The following NF1 variants were observed in gnomAD, a reference collection of about 807,000 sequenced individuals.
NF1 encodes the protein neurofibromin.
NF1 carries 122 observed loss-of-function variants against 325.7 expected under a neutral mutation model. The ratio of observed to expected loss-of-function variants is 0.37; its 90% CI spans 0.32 to 0.44. The LOEUF (loss-of-function observed/expected upper bound fraction) is 0.44, where lower values mean the gene tolerates loss of function less well. Ranked by LOEUF, NF1 falls within the 20% of genes least tolerant of loss-of-function variation. NF1 has a pLI of 1.00. For missense variants in NF1, 2,140 were observed against 3,415.4 expected, an observed-to-expected ratio of 0.63 and a Z score of 9.31; for synonymous variants, 1,091 against 1,186.0, an observed-to-expected ratio of 0.92 and a Z score of 1.65.
chr17:31,308,548 T>C (rs2068789180), intron 36 of NF1, among the ~76,000 whole-genome samples: 1 of 152,160 alleles, frequency 6.6e-6, no homozygotes, highest in African/African-American at 2.4e-5. Context: ...ATGCATCCCT[T>C]TCCCACCTTG....
rs753082620 is a variant in NF1, at chr17:31,230,268, G to A, written c.2999G>A (p.Arg1000His). The change falls in exon 23 of 58, where the codon CGT becomes CAT. Residue 1000 changes from arginine to histidine, a missense_variant. Physicochemically the swap from Arg to His is conservative, Grantham distance 29. Transcript: ENST00000358273. ...TMMLNLVRYVRVLGNMVHAIQ... is the reference protein window; with the variant it reads ...TMMLNLVRYVHVLGNMVHAIQ... The stretch of plus-strand genomic sequence containing the variant: ...TTTCTATGTCTATATAGGTATGTTC[G>A]TGTGCTTGGGAATATGGTCCATGCA... 3.7e-6 allele frequency: 6 copies of A among 1,612,968 alleles called. No individual in the cohort carries two copies. Among genetic ancestry groups the A allele is most frequent in the Non-Finnish European group, 4.2e-6 (5 of 1,179,340 alleles).
intron 5 of NF1, among the ~76,000 whole-genome samples, chr17:31,172,614 G>A (rs2065948441): frequency 6.6e-6 from 1 of 151,994 alleles, no homozygotes; most frequent in Admixed American, 6.6e-5. Flanking sequence ...CTCTTGTGTA[G>A]ATGAGGAAAC....
rs776722942 is a variant in NF1, at chr17:31,218,989, C to CT, written c.1528-9dup. On this transcript the variant is annotated splice_polypyrimidine_tract_variant and intron_variant, in intron 13 of 57. Transcript: ENST00000358273. ...TATTTATTTTTTTAATTGAAGTTTC[C>CT]TTTTTTTCCTTGCAGAATCCAAGAA... 1 of 1,602,252 alleles carries CT rather than the reference C, an allele frequency of 6.2e-7. No homozygotes were observed. The highest frequency in any genetic ancestry group is 1.1e-5 in the South Asian group (1 of 89,782).
At chr17:31,351,561 C>T (rs376016070) in intron 50 of NF1, among the ~76,000 whole-genome samples, 4 of 152,108 alleles carry the variant, frequency 2.6e-5, no homozygotes, top group Admixed American at 6.5e-5. Flanking sequence ...GGATTACAGG[C>T]GCGTGCCACC....
At chr17:31,120,737 T>C (rs1276389618) in intron 1 of NF1, among the ~76,000 whole-genome samples, 6 of 151,912 alleles carry the variant, frequency 3.9e-5, no homozygotes, top group African/African-American at 1.5e-4. Flanking sequence ...AGTATACCTA[T>C]GTAACAAACC....
intron 27 of NF1, among the ~76,000 whole-genome samples, chr17:31,233,723 A>G (rs757892993): frequency 6.6e-6 from 1 of 152,224 alleles, no homozygotes; most frequent in Non-Finnish European, 1.5e-5. Flanking sequence ...CTAAAATCAC[A>G]TCATTCTTAA....
intron 28 of NF1, 64 bp from the exon 29 acceptor site, chr17:31,235,854 G>A (rs2067191706): frequency 6.2e-7 from 1 of 1,610,174 alleles, no homozygotes; most frequent in Admixed American, 1.7e-5. Context: ...AGGGCTGATT[G>A]TCTTCTTTTA....
At chr17:31,117,760 A>G (rs1231043555) in intron 1 of NF1, among the ~76,000 whole-genome samples, 2 of 150,974 alleles carry the variant, frequency 1.3e-5, no homozygotes, top group African/African-American at 4.9e-5. Context: ...ATGAATGAAT[A>G]TATGAAATAA....
intron 36 of NF1, among the ~76,000 whole-genome samples, chr17:31,282,253 G>T (rs978741965): frequency 8.6e-5 from 13 of 151,570 alleles, no homozygotes; most frequent in Non-Finnish European, 1.3e-4. Context: ...GCGGTGGCAG[G>T]CACCTGTAGT....
At chr17:31,249,416 A>G (rs1302454894) in intron 30 of NF1, among the ~76,000 whole-genome samples, 4 of 152,192 alleles carry the variant, frequency 2.6e-5, no homozygotes, top group African/African-American at 7.2e-5. Flanking sequence ...TGAACATATT[A>G]TGGATTTTTG....
chr17:31,261,501 G>T (rs779510174), intron 34 of NF1, among the ~76,000 whole-genome samples: 1 of 152,296 alleles, frequency 6.6e-6, no homozygotes, highest in African/African-American at 2.4e-5. Context: ...CTAAGGGTAA[G>T]CAATTGGGAG....
At chr17:31,342,270 G>A (rs537044699) in intron 47 of NF1, among the ~76,000 whole-genome samples, 3 of 152,206 alleles carry the variant, frequency 2.0e-5, no homozygotes, top group East Asian at 3.9e-4. Flanking sequence ...GGTGGTCAGC[G>A]ATATCTAGTT....
At chr17:31,249,814 A>G (rs1330581900) in intron 30 of NF1, 2 of 364,630 alleles carry the variant, frequency 5.5e-6, no homozygotes, top group East Asian at 1.2e-4. Context: ...ATTCCAAGGG[A>G]GGTCCTGCAA....
Position 31,332,848 on chromosome 17 carries a change from G to A in NF1, c.5813-1990G>A, listed in dbSNP as rs2069542312. 4.8e-5 allele frequency among the ~76,000 whole-genome samples: 2 copies of A among 41,866 alleles called. 1 individual carries two copies. The highest frequency in any genetic ancestry group is 1.9e-4 in the Non-Finnish European group (2 of 10,372). 27.5% of individuals were successfully genotyped at this position (41,866 alleles called of 152,430 possible). A position where few individuals can be genotyped will look rare whatever the true frequency, so the allele number is the denominator to read the frequency against. On this transcript the variant is annotated intron_variant, in intron 39 of 57. Transcript: ENST00000358273. ...GCGGTGTTTGGTTTTTTGTTCTTGC[G>A]ATAGTTTACTGAGAATGATGGTTTC...
At position 31,230,286 on chromosome 17, in the gene NF1, T is replaced by C. The variant is rs755636107; in HGVS notation, c.3017T>C (p.Val1006Ala). The C allele has an allele frequency of 1.2e-6, 2 of 1,612,836 alleles. No homozygotes were observed. The highest frequency in any genetic ancestry group is 8.5e-7 in the Non-Finnish European group (1 of 1,179,126). ...TATGTTCGTGTGCTTGGGAATATGG[T>C]CCATGCAATTCAAATAAAAACGAAA... The part of the protein sequence containing the change: ...VRYVRVLGNM[V>A]HAIQIKTKLC... The change falls in exon 23 of 58, where the codon GTC (valine) becomes GCC (alanine). Residue 1006 changes from valine (V) to alanine (A), a missense_variant. Around this residue, in one of 10 missense-constraint regions of NF1, gnomAD observed 380 missense variants for 639.3 expected, o/e 0.59. Coordinates refer to ENST00000358273, the MANE Select transcript of NF1 (RefSeq NM_001042492.3).
chr17:31,241,482 A>C (rs185897080), intron 29 of NF1, among the ~76,000 whole-genome samples: 2 of 152,066 alleles, frequency 1.3e-5, no homozygotes, highest in East Asian at 3.9e-4. Flanking sequence ...GATATGTGTT[A>C]ATTTCTTGCT....
rs786201844 is a variant in NF1, at chr17:31,249,052, A to G, written c.4043A>G (p.His1348Arg). 6.2e-7 allele frequency: 1 copy of G among 1,614,166 alleles called. No individual in the cohort carries two copies. Among genetic ancestry groups the G allele is most frequent in the East Asian group, 2.2e-5 (1 of 44,882 alleles). ...CTTCAGATGACTGAAAAGTTCTTCC[A>G]TGCCATCATCAGTTCCTCCTCAGAA... ...NLLQMTEKFF[H>R]AIISSSSEFP... is the part of the protein sequence containing the mutation. Residue 1348 changes from histidine (H) to arginine (R), a missense_variant, in exon 30 of 58, where the codon CAT (histidine) becomes CGT (arginine). By Grantham distance (29) the His-to-Arg change is conservative. Transcript: ENST00000358273.
At chr17:31,197,065 G>A (rs2066445845) in intron 8 of NF1, among the ~76,000 whole-genome samples, 2 of 150,150 alleles carry the variant, frequency 1.3e-5, no homozygotes, top group Non-Finnish European at 3.0e-5. Flanking sequence ...TTTTTTTTGA[G>A]ATGGAGTCTC....
Position 31,104,986 on chromosome 17 carries a change from C to A in NF1, c.60+9617C>A, listed in dbSNP as rs369504543. ...GTGGTGTGATCATAGCTCACCATAGCCTCGAACTCCTGGGCTCAAGTGATC... is the reference window on the plus strand; with the variant it reads ...GTGGTGTGATCATAGCTCACCATAGACTCGAACTCCTGGGCTCAAGTGATC... On this transcript the variant is annotated intron_variant, in intron 1 of 57. Coordinates refer to ENST00000358273, the MANE Select transcript of NF1 (RefSeq NM_001042492.3). Among the ~76,000 whole-genome samples, 528 of 152,258 alleles carry A rather than the reference C, an allele frequency of 3.5e-3. 1 individual carries two copies. The highest frequency in any genetic ancestry group is 5.3e-3 in the Non-Finnish European group (360 of 68,014).
Sources: allele counts gnomAD v4.1 joint callset (sites outside exome capture counted in the v4.1 genomes callset), GRCh38; gene constraint gnomAD v4.1.1; regional missense constraint gnomAD v4.1.1; transcripts MANE v1.5; gene names NCBI Gene and HGNC (gene_info 2026-07-23, HGNC 2026-07-21).